PARL: variants seen among roughly 807,000 people sequenced by gnomAD.
The protein encoded by PARL is presenilin-associated rhomboid-like protein, mitochondrial.
A neutral mutation model predicts 51.6 loss-of-function variants in PARL; 44 were observed. That is an observed-to-expected ratio of 0.85 (90% confidence interval 0.67 to 1.10). PARL has a LOEUF of 1.10. PARL is among the 50% of genes least tolerant of loss of function. The probability of loss-of-function intolerance (pLI) is 0.00; values close to 1 mark genes in which losing one functional copy is unlikely to be tolerated. For synonymous variants in PARL, 172 were observed against 164.0 expected, an observed-to-expected ratio of 1.05 and a Z score of -0.37; for missense variants, 441 against 469.5, an observed-to-expected ratio of 0.94 and a Z score of 0.56.
intron 1 of PARL, among the ~76,000 whole-genome samples, chr3:183,880,127 A>G (rs983150250): frequency 2.0e-5 from 3 of 152,142 alleles, no homozygotes; most frequent in Non-Finnish European, 4.4e-5. Context: ...TAGGTTATTC[A>G]CCTCTTCCCA....
chr3:183,852,192 G>C (rs998491685), intron 4 of PARL, among the ~76,000 whole-genome samples: 2 of 152,094 alleles, frequency 1.3e-5, no homozygotes. Context: ...AGGATGTGGG[G>C]ATGTCAGAAC....
rs1286447929 is a variant in PARL, at chr3:183,862,309, C to A, written c.511+444G>T. Among the ~76,000 whole-genome samples, 8 of 152,162 alleles carry A rather than the reference C, an allele frequency of 5.3e-5. No homozygotes were observed. In the East Asian group the frequency reaches 1.5e-3, roughly 29 times the overall value. ...TTTTGAAACTCTGCTCTATTGCTTA[C>A]TAGCAGTTTGACTTTCAAAAGTTCC... is the stretch of plus-strand genomic sequence containing the variant. On this transcript the variant is annotated intron_variant, in intron 4 of 9. Coordinates refer to ENST00000317096, the MANE Select transcript of PARL (RefSeq NM_018622.7).
rs371028377 is a variant in PARL at position 183,879,625 on chromosome 3, C to T, written c.125+5097G>A. On this transcript the variant is annotated intron_variant, in intron 1 of 9. Transcript: ENST00000317096. ...TTAGGTCAGTTAAGAGTTTGGTTTT[C>T]TATTGGAATAAGGATGCTTTTAGAT... The T allele has an allele frequency of 7.5e-4, 346 of 463,498 alleles. 3 individuals are homozygous for T. The highest frequency in any genetic ancestry group is 6.9e-3 in the African/African-American group (331 of 47,712). 28.7% of individuals were successfully genotyped at this position (463,498 alleles called of 1,614,324 possible). A position where few individuals can be genotyped will look rare whatever the true frequency, so the allele number is the denominator to read the frequency against.
chr3:183,882,414 T>TAGAG (rs1413371682), intron 1 of PARL, among the ~76,000 whole-genome samples: 1 of 137,212 alleles, frequency 7.3e-6, no homozygotes, highest in African/African-American at 2.7e-5. Context: ...CACACATATA[T>TAGAG]ATAGAGAGAG....
Position 183,833,709 on chromosome 3 carries a change from C to A in PARL, c.930+15G>T, listed in dbSNP as rs1322455557. 3 of 1,567,004 alleles carry A rather than the reference C, an allele frequency of 1.9e-6. No homozygotes were observed. In the African/African-American group the frequency reaches 4.0e-5, roughly 21 times the overall value. On this transcript the variant is annotated intron_variant, in intron 8 of 9. Coordinates refer to ENST00000317096, the MANE Select transcript of PARL (RefSeq NM_018622.7). The stretch of plus-strand genomic sequence containing the variant: ...CACCACTATCCCCAGCACTGCACTT[C>A]ATAAAAATACTTACATTCCCTGCTG...
At chr3:183,875,288 G>T (rs1055665399) in intron 1 of PARL, among the ~76,000 whole-genome samples, 1 of 151,836 alleles carries the variant, frequency 6.6e-6, no homozygotes, top group Non-Finnish European at 1.5e-5. Context: ...GGTGGCGGGC[G>T]ACTGTAATCC....
At position 183,879,128 on chromosome 3, in the gene PARL, A is replaced by C. The variant is rs1734157337; in HGVS notation, c.125+5594T>G. 2.0e-5 allele frequency among the ~76,000 whole-genome samples: 3 copies of C among 152,322 alleles called. No homozygotes were observed. The South Asian group carries it at 6.2e-4, about 32-fold the overall frequency. On this transcript the variant is annotated intron_variant, in intron 1 of 9. Coordinates refer to ENST00000317096, the MANE Select transcript of PARL (RefSeq NM_018622.7). ...AGAATTCCAATACAAATGTTTCACT[A>C]CGACTTACTCCCAGCATCCATGCCC...
rs556971457 is a variant in PARL, at chr3:183,866,553, C to T, written c.462+72G>A. The stretch of plus-strand genomic sequence containing the variant: ...GAATGCATCATGTACACTGAAAACA[C>T]GTGCATCTATTAAGTATCAGTTTTT... On this transcript the variant is annotated intron_variant, in intron 3 of 9. Coordinates refer to ENST00000317096, the MANE Select transcript of PARL (RefSeq NM_018622.7). 124 of 1,224,792 alleles carry T rather than the reference C, an allele frequency of 1.0e-4. No homozygotes were observed. The African/African-American group carries it at 1.4e-3, about 14-fold the overall frequency. The allele number at this position is 1,224,792 out of a possible 1,614,324, so 75.9% of individuals were successfully genotyped here. A position where few individuals can be genotyped will look rare whatever the true frequency, so the allele number is the denominator to read the frequency against.
intron 1 of PARL, among the ~76,000 whole-genome samples, chr3:183,878,803 G>A (rs754115553): frequency 6.6e-6 from 1 of 152,136 alleles, no homozygotes; most frequent in Non-Finnish European, 1.5e-5. Context: ...GTCAAACTGC[G>A]GCCTATAGAG....
chr3:183,833,449 G>T, intron 9 of PARL, 43 bp downstream of exon 9: 2 of 1,189,008 alleles, frequency 1.7e-6, no homozygotes, highest in South Asian at 1.2e-5. Context: ...AGGAGCGCAT[G>T]ACCCAAGGAA....
chr3:183,855,969 A>C (rs1438253233), intron 4 of PARL, among the ~76,000 whole-genome samples: 2 of 148,150 alleles, frequency 1.3e-5, no homozygotes, highest in African/African-American at 5.1e-5. Flanking sequence ...AAAATAAACA[A>C]ACAAAAAAAA....
intron 4 of PARL, among the ~76,000 whole-genome samples, chr3:183,855,424 G>A (rs768028125): frequency 6.6e-6 from 1 of 152,068 alleles, no homozygotes; most frequent in Non-Finnish European, 1.5e-5. Flanking sequence ...TTACAAGTGT[G>A]GGCCACCACA....
At chr3:183,852,672 C>T in intron 4 of PARL, among the ~76,000 whole-genome samples, 1 of 152,154 alleles carries the variant, frequency 6.6e-6, no homozygotes, top group East Asian at 1.9e-4. Context: ...AGCCACCATG[C>T]CCAACCTACA....
chr3:183,849,020 T>C (rs1730271482), intron 4 of PARL, among the ~76,000 whole-genome samples: 3 of 152,010 alleles, frequency 2.0e-5, no homozygotes, highest in Admixed American at 1.3e-4. Context: ...TAGAAACATA[T>C]GTACCTAACA....
chr3:183,881,878 C>T (rs976762697), intron 1 of PARL, among the ~76,000 whole-genome samples: 5 of 152,044 alleles, frequency 3.3e-5, no homozygotes, highest in African/African-American at 1.2e-4. Context: ...ATAATATATA[C>T]GATTGACTAA....
intron 4 of PARL, among the ~76,000 whole-genome samples, chr3:183,859,162 C>T (rs541387216): frequency 5.3e-5 from 8 of 151,838 alleles, no homozygotes; most frequent in Non-Finnish European, 7.4e-5. Context: ...AAAAATTAGC[C>T]GGGCACTTAT....
chr3:183,861,273 C>G (rs930991900), intron 4 of PARL: 27 of 972,008 alleles, frequency 2.8e-5, no homozygotes, highest in Non-Finnish European at 2.9e-5. Flanking sequence ...ATCTCAATCC[C>G]TTGGTTAAGA....
chr3:183,841,663 G>A (rs1048190782), intron 6 of PARL, among the ~76,000 whole-genome samples: 2 of 152,138 alleles, frequency 1.3e-5, no homozygotes, highest in Non-Finnish European at 2.9e-5. Context: ...AAACAGAGAG[G>A]TAAGTAAAAT....
At chr3:183,858,663 G>A (rs1046656891) in intron 4 of PARL, among the ~76,000 whole-genome samples, 2 of 152,130 alleles carry the variant, frequency 1.3e-5, no homozygotes, top group Non-Finnish European at 2.9e-5. Flanking sequence ...TAGAAAGGGA[G>A]GAGAAAATAT....
Sources: gnomAD v4.1 joint callset for allele counts (sites outside exome capture counted in the v4.1 genomes callset) on GRCh38, gnomAD v4.1.1 for gene constraint, MANE v1.5 for transcripts, NCBI Gene and HGNC (gene_info 2026-07-23, HGNC 2026-07-21) for gene names.